NINJ2: variants seen among roughly 807,000 people sequenced by gnomAD.
The protein encoded by NINJ2 is ninjurin 2.
Under a neutral mutation model 11.7 loss-of-function variants are expected in NINJ2, and 12 were observed. The ratio of observed to expected loss-of-function variants is 1.02; its 90% CI spans 0.66 to 1.66. The LOEUF (loss-of-function observed/expected upper bound fraction) is 1.66, where lower values mean the gene tolerates loss of function less well. NINJ2 is among the 40% of genes most tolerant of loss of function. The pLI is 0.00. For synonymous variants in NINJ2, 93 were observed against 76.8 expected (o/e 1.21, Z -1.10); for missense variants, 187 against 181.8 (o/e 1.03, Z -0.16).
intron 2 of NINJ2, 103 bp downstream of exon 2, chr12:565,847 A>G: frequency 3.9e-6 from 4 of 1,018,250 alleles, no homozygotes; most frequent in South Asian, 3.9e-5. Flanking sequence ...TGTGGTTGCA[A>G]AGCTGCCTGT....
At chr12:613,659 A>G (rs902260712) in intron 1 of NINJ2, among the ~76,000 whole-genome samples, 3 of 152,052 alleles carry the variant, frequency 2.0e-5, no homozygotes, top group African/African-American at 7.2e-5. Context: ...TAATCCCAGC[A>G]CTTTGGGAGG....
chr12:660,144 TG>T (rs1937938521), intron 1 of NINJ2, among the ~76,000 whole-genome samples: 1 of 151,362 alleles, frequency 6.6e-6, no homozygotes, highest in Non-Finnish European at 1.5e-5. Flanking sequence ...AAAAATTAGC[TG>T]GGCATGGTAG....
At chr12:635,174 C>T (rs1948334757) in intron 1 of NINJ2, among the ~76,000 whole-genome samples, 1 of 152,104 alleles carries the variant, frequency 6.6e-6, no homozygotes, top group Non-Finnish European at 1.5e-5. Context: ...CTGCCTCAGC[C>T]TCCTGAGTAG....
intron 1 of NINJ2, among the ~76,000 whole-genome samples, chr12:601,344 A>G (rs1413229252): frequency 6.8e-6 from 1 of 146,402 alleles, no homozygotes; most frequent in African/African-American, 2.5e-5. Context: ...CAGGAGATCG[A>G]GACCATCCTG....
chr12:650,344 C>A (rs1937767605), intron 1 of NINJ2, among the ~76,000 whole-genome samples: 1 of 151,922 alleles, frequency 6.6e-6, no homozygotes, highest in Non-Finnish European at 1.5e-5. Context: ...TGTACCTGAG[C>A]TCAGGTGATG....
chr12:571,815 C>T (rs1276425106), intron 1 of NINJ2, among the ~76,000 whole-genome samples: 2 of 152,246 alleles, frequency 1.3e-5, no homozygotes, highest in South Asian at 4.1e-4. Flanking sequence ...GATCATTCTG[C>T]TCTTTCTTGG....
chr12:592,708 A>T (rs1055211478), intron 1 of NINJ2, among the ~76,000 whole-genome samples: 10 of 151,786 alleles, frequency 6.6e-5, no homozygotes, highest in Admixed American at 1.3e-4. Context: ...CTCAAAATTT[A>T]AAAAAAAATC....
chr12:581,250 C>A lies in NINJ2; in HGVS notation c.34-15072G>T, dbSNP rs1011039774. 2.6e-5 allele frequency among the ~76,000 whole-genome samples: 4 copies of A among 152,004 alleles called. No individual in the cohort carries two copies. The highest frequency in any genetic ancestry group is 9.7e-5 in the African/African-American group (4 of 41,352). ...AGCTCAGCAGTATCCTGGGTCCTGG[C>A]CATAGACCTGTAGATGAGACAGGCT... On this transcript the variant is annotated intron_variant, in intron 1 of 3. Coordinates refer to ENST00000305108, the MANE Select transcript of NINJ2 (RefSeq NM_016533.6). The surrounding 1 kb of genome is among the most constrained non-coding windows in gnomAD (Gnocchi z 4.9).
intron 1 of NINJ2, among the ~76,000 whole-genome samples, chr12:611,225 CTTTTTCTTTCTT>C (rs1948025265): frequency 7.0e-6 from 1 of 142,056 alleles, no homozygotes; most frequent in Non-Finnish European, 1.5e-5. Context: ...TTCTTTCTTT[CTTTTTCTTTCTT>C]TCTTTCTTTC....
At chr12:643,751 C>T (rs1260298136) in intron 1 of NINJ2, 1 of 853,138 alleles carries the variant, frequency 1.2e-6, no homozygotes, top group Non-Finnish European at 1.4e-6. Flanking sequence ...TCCCCCCTCA[C>T]ATCATGGGAG....
chr12:628,747 G>A lies in NINJ2; in HGVS notation c.33+34581C>T, dbSNP rs905918983. Among the ~76,000 whole-genome samples, 3 of 152,134 alleles carry A rather than the reference G, an allele frequency of 2.0e-5. No homozygotes were observed. Among genetic ancestry groups the A allele is most frequent in the African/African-American group, 4.8e-5 (2 of 41,418 alleles). ...GCCTGCCAAAACCCACCAAAACCAA[G>A]ATGGCAATGAAAGTGACCACTGGTT... On this transcript the variant is annotated intron_variant, in intron 1 of 3. Coordinates refer to ENST00000305108, the MANE Select transcript of NINJ2 (RefSeq NM_016533.6). This position sits in a 1 kb window ranked among gnomAD's most constrained non-coding sequence, Gnocchi z 4.4.
chr12:577,448 T>TACATATATATGTATA, intron 1 of NINJ2, among the ~76,000 whole-genome samples: 1 of 141,940 alleles, frequency 7.0e-6, no homozygotes, highest in African/African-American at 2.6e-5. Flanking sequence ...TATATAAATA[T>TACATATATATGTATA]TTTGGCACGA....
chr12:601,689 C>A (rs1330008136), intron 1 of NINJ2, among the ~76,000 whole-genome samples: 9 of 151,940 alleles, frequency 5.9e-5, no homozygotes, highest in African/African-American at 2.2e-4. Flanking sequence ...CATGGCAAAA[C>A]CCCATCTCTA....
intron 1 of NINJ2, among the ~76,000 whole-genome samples, chr12:646,287 A>G: frequency 6.6e-6 from 1 of 152,184 alleles, no homozygotes; most frequent in Non-Finnish European, 1.5e-5. Context: ...CTCAGCTTTT[A>G]CAGGAGCGTC....
intron 1 of NINJ2, among the ~76,000 whole-genome samples, chr12:621,477 AAAAAG>A (rs1279863750): frequency 4.0e-5 from 6 of 150,366 alleles, no homozygotes; most frequent in South Asian, 4.3e-4. Flanking sequence ...AAAAAGAAAA[AAAAAG>A]AAAGAAAGAA....
chr12:610,341 C>A, intron 1 of NINJ2: 1 of 1,535,396 alleles, frequency 6.5e-7, no homozygotes, highest in Non-Finnish European at 8.7e-7. Flanking sequence ...CAGAGGCACA[C>A]TTACCATATA....
At chr12:625,884 G>C (rs902568320) in intron 1 of NINJ2, among the ~76,000 whole-genome samples, 1 of 152,174 alleles carries the variant, frequency 6.6e-6, no homozygotes, top group African/African-American at 2.4e-5. Flanking sequence ...AGATACGTGT[G>C]TCTAAAACTG....
chr12:650,476 G>C lies in NINJ2; in HGVS notation c.33+12852C>G, dbSNP rs909571103. Among the ~76,000 whole-genome samples, 34 of 152,314 alleles carry C rather than the reference G, an allele frequency of 2.2e-4. No homozygotes were observed. The South Asian group carries it at 2.5e-3, about 11-fold the overall frequency. On this transcript the variant is annotated intron_variant, in intron 1 of 3. Transcript: ENST00000305108. ...TCACTTTGGGAAGCCAAGGCTAGGG[G>C]ATCACGAGGTCAGGAGTCCGAGACC... is the stretch of plus-strand genomic sequence containing the variant.
At chr12:609,770 C>CAAAAAAAAA (rs1185755822) in intron 1 of NINJ2, among the ~76,000 whole-genome samples, 5 of 88,816 alleles carry the variant, frequency 5.6e-5, no homozygotes, top group Admixed American at 1.4e-4. Context: ...GACTCTGCCT[C>CAAAAAAAAA]AAAAAAAAAA....
Sources: allele counts gnomAD v4.1 joint callset (sites outside exome capture counted in the v4.1 genomes callset), GRCh38; gene constraint gnomAD v4.1.1; non-coding constraint Gnocchi (gnomAD v3.1); transcripts MANE v1.5; gene names NCBI Gene and HGNC (gene_info 2026-07-23, HGNC 2026-07-21).